Variants in MARK4 observed in about 807,000 individuals in gnomAD.
MARK4 encodes the protein MAP/microtubule affinity-regulating kinase 4.
A neutral mutation model predicts 81.5 loss-of-function variants in MARK4; 19 were observed. That is an observed-to-expected ratio of 0.23 (90% CI 0.16 to 0.34). The LOEUF is 0.34. MARK4 is among the 10% of genes least tolerant of loss of function. MARK4 has a pLI of 1.00. For missense variants in MARK4, 772 were observed against 1,058.8 expected (o/e 0.73, Z 3.76); for synonymous variants, 436 against 439.0 (o/e 0.99, Z 0.08).
intron 16 of MARK4, among the ~76,000 whole-genome samples, chr19:45,300,697 G>C (rs957596418): frequency 1.3e-5 from 2 of 152,276 alleles, no homozygotes; most frequent in Admixed American, 6.5e-5. Flanking sequence ...CCGGTTTAGA[G>C]ACCCAAGTGG....
chr19:45,291,870 C>G (rs1270489449), intron 13 of MARK4, among the ~76,000 whole-genome samples: 1 of 152,192 alleles, frequency 6.6e-6, no homozygotes, highest in Non-Finnish European at 1.5e-5. Context: ...TTCTTGATGC[C>G]CAGAGGGCTG....
chr19:45,277,785 A>G, intron 8 of MARK4, 138 bp from the exon 9 acceptor site: 1 of 1,021,928 alleles, frequency 9.8e-7, no homozygotes, highest in Non-Finnish European at 1.4e-6. Flanking sequence ...TGGGACTCAG[A>G]GCTTCTGTCA....
At chr19:45,253,529 A>C (rs1815563841) in intron 1 of MARK4, among the ~76,000 whole-genome samples, 1 of 152,210 alleles carries the variant, frequency 6.6e-6, no homozygotes. Context: ...GCTGGCACCT[A>C]GGAAGCACTC....
At chr19:45,299,926 A>G in intron 16 of MARK4, 71 bp downstream of exon 16, 1 of 1,478,066 alleles carries the variant, frequency 6.8e-7, no homozygotes, top group South Asian at 1.3e-5. Context: ...CACTTACCCC[A>G]GGGCATTAGA....
In MARK4 at chr19:45,263,312, C is replaced by T. The variant is rs763726391; in HGVS notation, c.307-7C>T. On this transcript the variant is annotated splice_polypyrimidine_tract_variant and splice_region_variant and intron_variant, in intron 3 of 16. Transcript: ENST00000262891. Reference sequence around the variant, plus strand: ...TCTCCTCTGTCTTCCTTTCTGGCCACGCCCAGCTGTTCCGAGAAGTCCGCA... The same window carrying T: ...TCTCCTCTGTCTTCCTTTCTGGCCATGCCCAGCTGTTCCGAGAAGTCCGCA... 101 of 1,614,208 alleles carry T rather than the reference C, an allele frequency of 6.3e-5. 2 individuals carry two copies. The highest frequency in any genetic ancestry group is 5.2e-4 in the South Asian group (47 of 91,090).
At chr19:45,266,635 C>A (rs772481155) in intron 7 of MARK4, among the ~76,000 whole-genome samples, 2 of 151,944 alleles carry the variant, frequency 1.3e-5, no homozygotes, top group Non-Finnish European at 2.9e-5. Flanking sequence ...TGGCATTCTC[C>A]GACCTTAGGA....
In MARK4 at chr19:45,271,652, G is replaced by T. The variant is rs764069402; in HGVS notation, c.730G>T (p.Val244Phe). Residue 244 changes from valine to phenylalanine, a missense_variant, in exon 8 of 17, where the codon GTC becomes TTC. By Grantham distance (50) the Val-to-Phe change is conservative (BLOSUM62 -1). This residue lies in a region of MARK4 where 109 missense variants were observed against 294.7 expected (regional missense o/e 0.37). Coordinates refer to ENST00000262891, the MANE Select transcript of MARK4 (RefSeq NM_001199867.2). The surrounding 1 kb of genome is among the most constrained non-coding windows in gnomAD (Gnocchi z 4.1). ...GPEVDIWSLG[V>F]ILYTLVSGSL... ...GGAGGTGGACATCTGGAGCCTGGGA[G>T]TCATCCTGTACACCCTCGTCAGCGG... 6.2e-7 allele frequency: 1 copy of T among 1,614,220 alleles called. No individual in the cohort carries two copies.
intron 15 of MARK4, 66 bp downstream of exon 15, chr19:45,298,020 C>T (rs2123110230): frequency 6.5e-7 from 1 of 1,549,220 alleles, no homozygotes; most frequent in East Asian, 2.4e-5. Flanking sequence ...ACCTGTCTTC[C>T]ACTCTGCTCT....
rs769056951 is a variant in MARK4, at chr19:45,294,323, TC to T, written c.1495-23del. On this transcript the variant is annotated intron_variant, in intron 13 of 16. Coordinates refer to ENST00000262891, the MANE Select transcript of MARK4 (RefSeq NM_001199867.2). ...CAGGGGCATGTCTTCACCCCCTCAC[TC>T]CCTTCCTGGCTGTGTCTCCTGCAGA... is the stretch of plus-strand genomic sequence containing the variant. 4 of 1,609,062 alleles carry T rather than the reference TC, an allele frequency of 2.5e-6. No individual in the cohort carries two copies. The Admixed American group carries it at 6.7e-5, about 27-fold the overall frequency.
At chr19:45,287,854 T>C (rs1237194931) in intron 13 of MARK4, 190 bp downstream of exon 13, 3 of 676,624 alleles carry the variant, frequency 4.4e-6, no homozygotes, top group East Asian at 2.7e-5. Context: ...TAACATTTGA[T>C]GTTAGCGTAT....
intron 13 of MARK4, chr19:45,287,890 T>G (rs1010068160): frequency 1.6e-6 from 1 of 607,712 alleles, no homozygotes; most frequent in Non-Finnish European, 3.0e-6. Flanking sequence ...GTCAAAGAAG[T>G]GCAGAACGTA....
Position 45,287,489 on chromosome 19 carries a change from C to G in MARK4, c.1319C>G (p.Thr440Arg). The part of the protein sequence containing the change: ...PAPLHPKRSP[T>R]STGEAELKEE... ...CCCCTGCACCCCAAACGCAGCCCGA[C>G]GAGCACGGGGGAGGCGGAGCTGAAG... The change falls in exon 13 of 17, where the codon ACG (threonine) becomes AGG (arginine). Residue 440 changes from threonine (T) to arginine (R), a missense_variant. Around this residue, in one of 3 missense-constraint regions of MARK4, gnomAD observed 548 missense variants for 624.3 expected, o/e 0.88. Transcript: ENST00000262891. The G allele has an allele frequency of 1.3e-6, 2 of 1,505,268 alleles. No homozygotes were observed. Among genetic ancestry groups the G allele is most frequent in the Non-Finnish European group, 1.8e-6 (2 of 1,122,400 alleles). The allele number at this position is 1,505,268 out of a possible 1,614,324, so 93.2% of individuals were successfully genotyped here. A position where few individuals can be genotyped will look rare whatever the true frequency, so the allele number is the denominator to read the frequency against.
In MARK4 at chr19:45,278,491, C is replaced by T. The variant is rs764447540; in HGVS notation, c.907-25C>T. ...GGTTCCTTCTGACACCTGTCTTCCC[C>T]CTTCCCTGCTCCTGATGCCTGCAGC... On this transcript the variant is annotated intron_variant, in intron 9 of 16. Transcript: ENST00000262891. 2.5e-6 allele frequency: 4 copies of T among 1,602,246 alleles called. No individual in the cohort carries two copies. The South Asian group carries it at 3.3e-5, about 13-fold the overall frequency.
intron 1 of MARK4, among the ~76,000 whole-genome samples, chr19:45,252,885 T>G (rs1389087313): frequency 6.6e-6 from 1 of 152,018 alleles, no homozygotes; most frequent in African/African-American, 2.4e-5. Context: ...GGACTTCTCC[T>G]AGAAGCCCCC....
At position 45,302,135 on chromosome 19, in the gene MARK4, CTGCTCA is replaced by C. The variant is rs1970983492; in HGVS notation, c.1923-236_1923-231del. Among the ~76,000 whole-genome samples the C allele has an allele frequency of 6.6e-6, 1 of 152,208 alleles. No individual in the cohort carries two copies. Among genetic ancestry groups the C allele is most frequent in the Non-Finnish European group, 1.5e-5 (1 of 68,034 alleles). ...CTGATGTGGATGGCACATCTCACTT[CTGCTCA>C]TGTCCCAGAATTTACAGACAAGGTC... On this transcript the variant is annotated intron_variant, in intron 16 of 16. Transcript: ENST00000262891. This position sits in a 1 kb window ranked among gnomAD's most constrained non-coding sequence, Gnocchi z 4.9.
At chr19:45,255,559 CAAAAAA>C (rs34066317) in intron 1 of MARK4, among the ~76,000 whole-genome samples, 7 of 90,268 alleles carry the variant, frequency 7.8e-5, no homozygotes, top group African/African-American at 2.6e-4. Context: ...GAAACTCTGC[CAAAAAA>C]AAAAAAAAAA....
At position 45,259,168 on chromosome 19, in the gene MARK4, G is replaced by A; in HGVS notation, c.231G>A (p.Arg77=). The change falls in exon 2 of 17, where the codon CGG becomes CGA. Residue 77 remains arginine (R), a synonymous_variant. Transcript: ENST00000262891. Reference sequence around the variant, plus strand: ...ACTTTGCCAAAGTCAAGCTGGCTCGGCACATCCTCACTGGTCGGGAGGTGA... The same window carrying A: ...ACTTTGCCAAAGTCAAGCTGGCTCGACACATCCTCACTGGTCGGGAGGTGA... ...KGNFAKVKLA[R]HILTGREVAI... 2.5e-6 allele frequency: 4 copies of A among 1,614,078 alleles called. No individual in the cohort carries two copies. The highest frequency in any genetic ancestry group is 2.5e-6 in the Non-Finnish European group (3 of 1,180,022).
chr19:45,281,601 C>G (rs1209903528), intron 12 of MARK4, among the ~76,000 whole-genome samples: 1 of 151,908 alleles, frequency 6.6e-6, no homozygotes, highest in Non-Finnish European at 1.5e-5. Context: ...CCTCATGATC[C>G]ACCCACCTCA....
chr19:45,284,200 G>T (rs1466201030), intron 12 of MARK4, among the ~76,000 whole-genome samples: 1 of 151,950 alleles, frequency 6.6e-6, no homozygotes, highest in African/African-American at 2.4e-5. Context: ...TAGAGACAGG[G>T]TTTCACCGTG....
Sources: allele counts gnomAD v4.1 joint callset (sites outside exome capture counted in the v4.1 genomes callset), GRCh38; gene constraint gnomAD v4.1.1; regional missense constraint gnomAD v4.1.1; non-coding constraint Gnocchi (gnomAD v3.1); transcripts MANE v1.5; gene names NCBI Gene and HGNC (gene_info 2026-07-23, HGNC 2026-07-21).